Variants in GPATCH2L observed in about 807,000 individuals in gnomAD.
GPATCH2L encodes G-patch domain containing 2 like, also known as G patch domain-containing protein 2-like.
GPATCH2L carries 31 observed loss-of-function variants against 57.4 expected under a neutral mutation model. The observed-to-expected ratio is 0.54, with a 90% confidence interval of 0.41 to 0.73. The LOEUF is 0.73. Among genes scored for constraint, GPATCH2L ranks in the 30% least tolerant of loss-of-function variants. The pLI is 0.00. For missense variants in GPATCH2L, 481 were observed against 599.9 expected (o/e 0.80, Z 2.07); for synonymous variants, 199 against 210.7 (o/e 0.94, Z 0.48).
chr14:76,172,074 G>C (rs1460706520), intron 4 of GPATCH2L, 55 bp downstream of exon 4: 1 of 1,138,108 alleles, frequency 8.8e-7, no homozygotes, highest in African/African-American at 1.6e-5. Context: ...CTTGGGCAGA[G>C]CAATCACCCC....
At chr14:76,153,087 C>T (rs2038129945) in intron 1 of GPATCH2L, 1 of 280,452 alleles carries the variant, frequency 3.6e-6, no homozygotes, top group African/African-American at 2.3e-5. Flanking sequence ...AAGTAGGTGT[C>T]ACTATTGCTC....
At chr14:76,176,510 C>T (rs2039334748) in intron 5 of GPATCH2L, 113 bp from the exon 6 acceptor site, 1 of 722,706 alleles carries the variant, frequency 1.4e-6, no homozygotes, top group African/African-American at 1.8e-5. Flanking sequence ...TGACTTTTAA[C>T]ATGTGCCTTT....
downstream of GPATCH2L, among the ~76,000 whole-genome samples, chr14:76,214,578 T>A (rs2040475970): frequency 6.6e-6 from 1 of 152,222 alleles, no homozygotes; most frequent in East Asian, 1.9e-4. Context: ...CTTCTAATTG[T>A]GTCCTCACAT....
At position 76,154,743 on chromosome 14, in the gene GPATCH2L, G is replaced by A. The variant is rs1475899896; in HGVS notation, c.380G>A (p.Arg127Lys). 6.2e-7 allele frequency: 1 copy of A among 1,614,256 alleles called. No homozygotes were observed. Residue 127 changes from arginine to lysine, a missense_variant, in exon 2 of 10, where the codon AGG becomes AAG. Coordinates refer to ENST00000261530, the MANE Select transcript of GPATCH2L (RefSeq NM_017926.4). The surrounding 1 kb of genome is among the most constrained non-coding windows in gnomAD (Gnocchi z 4.4). ...GAAAATGCACCTTGTCGACCACTCA[G>A]GCGCAGGCGGAAGGTGAAGCGAGTG... ...FTENAPCRPL[R>K]RRRKVKRVTS...
At chr14:76,234,912 T>TAATC (rs1169059317) in intron 2 of GPATCH2L, 1 of 152,332 alleles carries the variant, frequency 6.6e-6, no homozygotes, top group Non-Finnish European at 1.5e-5. Context: ...CTCACGCCTG[T>TAATC]AATCCCAGCA....
At chr14:76,186,295 A>C (rs2139751485) in intron 8 of GPATCH2L, among the ~76,000 whole-genome samples, 1 of 152,282 alleles carries the variant, frequency 6.6e-6, no homozygotes. Flanking sequence ...AGAGAGTTGA[A>C]ATAGGATAGG....
chr14:76,173,464 T>C (rs2039177801), intron 4 of GPATCH2L, 82 bp from the exon 5 acceptor site: 2 of 807,608 alleles, frequency 2.5e-6, no homozygotes, highest in Non-Finnish European at 4.1e-6. Flanking sequence ...ATCCTGGGGG[T>C]AAAGCCTTCA....
downstream of GPATCH2L, among the ~76,000 whole-genome samples, chr14:76,218,414 A>G (rs1217802364): frequency 6.6e-6 from 1 of 152,112 alleles, no homozygotes; most frequent in African/African-American, 2.4e-5. Flanking sequence ...CTAAGGGAAG[A>G]AAAGACCCAT....
chr14:76,195,835 A>G, intron 8 of GPATCH2L, 43 bp from the exon 9 acceptor site: 2 of 1,404,062 alleles, frequency 1.4e-6, no homozygotes, highest in Non-Finnish European at 2.0e-6. Flanking sequence ...TTACAATAAG[A>G]ATTAAAAAGT....
At chr14:76,161,872 C>G (rs1405424522) in intron 2 of GPATCH2L, among the ~76,000 whole-genome samples, 6 of 152,084 alleles carry the variant, frequency 3.9e-5, no homozygotes, top group East Asian at 1.9e-4. Context: ...CTTGTTTCTA[C>G]TAAAAATATG....
intron 5 of GPATCH2L, 172 bp downstream of exon 5, chr14:76,173,797 A>G (rs1446154949): frequency 5.6e-6 from 3 of 536,110 alleles, no homozygotes; most frequent in Non-Finnish European, 1.0e-5. Context: ...GAATGGATAT[A>G]CAAATAAAAG....
At chr14:76,235,533 A>G (rs7145598) in intron 2 of GPATCH2L, among the ~76,000 whole-genome samples, 60,785 of 152,098 alleles carry the variant, frequency 0.4, 12,930 homozygotes, top group East Asian at 0.54. Flanking sequence ...GAATCCATTA[A>G]AACTCTTTTT....
chr14:76,154,037 A>G lies in GPATCH2L; in HGVS notation c.-10-317A>G, dbSNP rs1169624379. ...ACAAGTTTAATTGGGGAAAAGAGAG[A>G]AGGATCTAGTCCCCCGAATTTGTTT... On this transcript the variant is annotated intron_variant, in intron 1 of 9. Coordinates refer to ENST00000261530, the MANE Select transcript of GPATCH2L (RefSeq NM_017926.4). The surrounding 1 kb of genome is among the most constrained non-coding windows in gnomAD (Gnocchi z 4.4). The G allele has an allele frequency of 9.5e-6, 2 of 211,356 alleles. No individual in the cohort carries two copies. The highest frequency in any genetic ancestry group is 1.9e-5 in the Non-Finnish European group (2 of 106,512). 13.1% of individuals were successfully genotyped at this position (211,356 alleles called of 1,614,324 possible).
chr14:76,221,956 G>A (rs2040516811), intron 1 of GPATCH2L, among the ~76,000 whole-genome samples: 1 of 152,128 alleles, frequency 6.6e-6, no homozygotes, highest in African/African-American at 2.4e-5. Flanking sequence ...GTGAACATTA[G>A]TGTATCAACT....
At position 76,201,845 on chromosome 14, in the gene GPATCH2L, C is replaced by T. The variant is rs1486073166; in HGVS notation, c.1443C>T (p.Tyr481=). 1.2e-6 allele frequency: 2 copies of T among 1,613,346 alleles called. No homozygotes were observed. Among genetic ancestry groups the T allele is most frequent in the African/African-American group, 2.7e-5 (2 of 74,980 alleles). ...TGCCACAAGAAAAGAGCCCTGGATACAGCTAGAGAGCAGGACTTCACCCTC... is the reference window on the plus strand; with the variant it reads ...TGCCACAAGAAAAGAGCCCTGGATATAGCTAGAGAGCAGGACTTCACCCTC... ...FKMPQEKSPG[Y]S The change falls in exon 10 of 10, where the codon TAC becomes TAT. Residue 481 remains tyrosine (Y), a synonymous_variant. Coordinates refer to ENST00000261530, the MANE Select transcript of GPATCH2L (RefSeq NM_017926.4).
chr14:76,175,003 T>G (rs1172039215), intron 5 of GPATCH2L: 3 of 152,230 alleles, frequency 2.0e-5, no homozygotes, highest in Non-Finnish European at 4.4e-5. Flanking sequence ...ATTACTCATT[T>G]TACAGACAAA....
downstream of GPATCH2L, among the ~76,000 whole-genome samples, chr14:76,218,338 A>G (rs1426898692): frequency 6.6e-6 from 1 of 152,150 alleles, no homozygotes; most frequent in African/African-American, 2.4e-5. Flanking sequence ...CTTACAAAAT[A>G]AGAATTTAAT....
downstream of GPATCH2L, among the ~76,000 whole-genome samples, chr14:76,215,687 A>G (rs978488644): frequency 6.8e-6 from 1 of 146,710 alleles, no homozygotes; most frequent in Non-Finnish European, 1.5e-5. Context: ...AACACCACAT[A>G]TTCTCACTCA....
At chr14:76,228,121 C>G (rs1360716629) in intron 1 of GPATCH2L, among the ~76,000 whole-genome samples, 1 of 152,204 alleles carries the variant, frequency 6.6e-6, no homozygotes, top group Non-Finnish European at 1.5e-5. Context: ...GACGGCTTGT[C>G]TGGAACCAAA....
Sources: allele counts gnomAD v4.1 joint callset (sites outside exome capture counted in the v4.1 genomes callset), GRCh38; gene constraint gnomAD v4.1.1; non-coding constraint Gnocchi (gnomAD v3.1); transcripts MANE v1.5; gene names NCBI Gene and HGNC (gene_info 2026-07-23, HGNC 2026-07-21).